The following DLST variants were observed in gnomAD, a reference collection of about 807,000 sequenced individuals.
DLST encodes dihydrolipoamide S-succinyltransferase, also known as dihydrolipoyllysine-residue succinyltransferase component of 2-oxoglutarate dehydrogenase complex, mitochondrial.
DLST carries 17 observed loss-of-function variants against 53.1 expected under a neutral mutation model. The ratio of observed to expected loss-of-function variants is 0.32; its 90% CI spans 0.22 to 0.48. DLST has a LOEUF of 0.48. Ranked by LOEUF, DLST falls within the 20% of genes least tolerant of loss-of-function variation. The pLI, the probability that DLST is intolerant of heterozygous loss-of-function variation, is 0.99. For missense variants in DLST, 512 were observed against 583.9 expected, an observed-to-expected ratio of 0.88 and a Z score of 1.27; for synonymous variants, 206 against 204.8, an observed-to-expected ratio of 1.01 and a Z score of -0.05.
rs557256672 is a variant in DLST at position 74,882,252 on chromosome 14, C to G, written c.63+236C>G. On this transcript the variant is annotated intron_variant, in intron 1 of 14. Coordinates refer to ENST00000334220, the MANE Select transcript of DLST (RefSeq NM_001933.5). The stretch of plus-strand genomic sequence containing the variant: ...CTGCGGGGAACGTTTCCTGCTGTAC[C>G]CCACCCTCCGCGCGGGAGCTGGGGA... Among the ~76,000 whole-genome samples the G allele has an allele frequency of 9.2e-5, 14 of 152,164 alleles. 1 individual carries two copies. Among genetic ancestry groups the G allele is most frequent in the African/African-American group, 2.4e-4 (10 of 41,454 alleles).
chr14:74,897,268 T>G (rs772107461), intron 10 of DLST, among the ~76,000 whole-genome samples: 24 of 152,170 alleles, frequency 1.6e-4, no homozygotes, highest in Non-Finnish European at 2.9e-4. Context: ...AAACAAAAGA[T>G]CTGAAGGGGG....
chr14:74,901,133 T>A lies in DLST; in HGVS notation c.1127T>A (p.Val376Asp). 1 of 1,613,598 alleles carries A rather than the reference T, an allele frequency of 6.2e-7. No individual in the cohort carries two copies. Among genetic ancestry groups the A allele is most frequent in the Non-Finnish European group, 8.5e-7 (1 of 1,179,678 alleles). The change falls in exon 14 of 15, where the codon GTT becomes GAT. Residue 376 changes from valine (V) to aspartate (D), a missense_variant. Val to Asp is a radical substitution (Grantham distance 152, BLOSUM62 -3). This residue lies in a region of DLST where 186 missense variants were observed against 260.4 expected (regional missense o/e 0.71). Transcript: ENST00000334220. ...ACCTTCACCATTAGCAATGGAGGCG[T>A]TTTTGGCTCGCTCTTTGGAACACCC... is the stretch of plus-strand genomic sequence containing the variant. Reference protein sequence around the residue: ...GGTFTISNGGVFGSLFGTPII... With the variant: ...GGTFTISNGGDFGSLFGTPII...
rs373979438 is a variant in DLST, at chr14:74,889,990, C to T, written c.330+38C>T. On this transcript the variant is annotated intron_variant, in intron 6 of 14. Transcript: ENST00000334220. ...TATATTCGTACCAGCTTTTCATGGG[C>T]TTCCCTTAGTTAACCTAATGAAAGA... The T allele has an allele frequency of 1.7e-5, 27 of 1,593,748 alleles. No homozygotes were observed. In the African/African-American group the frequency reaches 3.4e-4, roughly 20 times the overall value.
intron 3 of DLST, among the ~76,000 whole-genome samples, chr14:74,888,859 G>A (rs1356564462): frequency 1.3e-5 from 2 of 152,178 alleles, no homozygotes; most frequent in African/African-American, 4.8e-5. Context: ...TACTTGGGGA[G>A]CTCACCATTT....
At chr14:74,889,773 CATATGTACTTTCT>C (rs1883837669) in intron 5 of DLST, 111 bp from the exon 6 acceptor site, 16 of 871,658 alleles carry the variant, frequency 1.8e-5, no homozygotes, top group Non-Finnish European at 2.8e-5. Flanking sequence ...GTTTTCTTTA[CATATGTACTTTCT>C]GCTGGCCCTG....
intron 7 of DLST, chr14:74,892,127 G>C (rs541275866): frequency 6.5e-6 from 1 of 153,070 alleles, no homozygotes; most frequent in Non-Finnish European, 1.5e-5. Flanking sequence ...TCTGTCGCCA[G>C]GCTGGAGTGC....
At chr14:74,890,930 G>A (rs1055220407) in intron 6 of DLST, 126 bp from the exon 7 acceptor site, 2 of 1,291,102 alleles carry the variant, frequency 1.5e-6, no homozygotes, top group African/African-American at 1.5e-5. Context: ...CGCCTGCCTT[G>A]GCATCCCAAT....
At chr14:74,902,175 A>G (rs1459743398) in intron 14 of DLST, 21 bp from the exon 15 acceptor site, 4 of 1,541,782 alleles carry the variant, frequency 2.6e-6, no homozygotes, top group South Asian at 1.2e-5. Context: ...AGACAAACCT[A>G]TTTACCTTTC....
Position 74,901,157 on chromosome 14 carries a change from C to T in DLST, c.1151C>T (p.Pro384Leu), listed in dbSNP as rs181033060. ...GGVFGSLFGT[P>L]IINPPQSAIL... is the part of the protein sequence containing the mutation. ...GTTTTTGGCTCGCTCTTTGGAACAC[C>T]CATTATCAACCCCCCTCAGTCTGCC... is the stretch of plus-strand genomic sequence containing the variant. The change falls in exon 14 of 15, where the codon CCC (proline) becomes CTC (leucine). Residue 384 changes from proline to leucine, a missense_variant. By Grantham distance (98) the Pro-to-Leu change is moderately conservative. Coordinates refer to ENST00000334220, the MANE Select transcript of DLST (RefSeq NM_001933.5). 6 of 1,614,182 alleles carry T rather than the reference C, an allele frequency of 3.7e-6. No individual in the cohort carries two copies. Among genetic ancestry groups the T allele is most frequent in the African/African-American group, 2.7e-5 (2 of 75,018 alleles).
chr14:74,892,765 C>T, intron 7 of DLST, 69 bp from the exon 8 acceptor site: 8 of 1,499,948 alleles, frequency 5.3e-6, no homozygotes, highest in East Asian at 2.3e-5. Flanking sequence ...GAGTTTTTGC[C>T]ACTAAATTTT....
intron 3 of DLST, 131 bp from the exon 4 acceptor site, chr14:74,888,964 C>A (rs2140190359): frequency 1.1e-6 from 1 of 890,934 alleles, no homozygotes; most frequent in East Asian, 2.5e-5. Flanking sequence ...AAGTTCCTCC[C>A]CAAGTGACAC....
Position 74,891,448 on chromosome 14 carries a change from G to C in DLST, c.442+281G>C. On this transcript the variant is annotated intron_variant, in intron 7 of 14. Coordinates refer to ENST00000334220, the MANE Select transcript of DLST (RefSeq NM_001933.5). ...ACCTTTTCTTATAGATATACAGATT[G>C]AGCATACCTAATCTGAAAATTCAAA... 3 of 1,059,978 alleles carry C rather than the reference G, an allele frequency of 2.8e-6. No individual in the cohort carries two copies. The South Asian group carries it at 1.2e-4, about 43-fold the overall frequency. 65.7% of individuals were successfully genotyped at this position (1,059,978 alleles called of 1,614,324 possible).
rs775261555 is a variant in DLST at position 74,893,447 on chromosome 14, C to G, written c.672+23C>G. On this transcript the variant is annotated intron_variant, in intron 9 of 14. Transcript: ENST00000334220. The stretch of plus-strand genomic sequence containing the variant: ...CGGGTAAGCCTCTGAGGACCACTTT[C>G]AGGAAAGAGGCAGGGGGCAGTGTTG... 7 of 1,613,884 alleles carry G rather than the reference C, an allele frequency of 4.3e-6. No individual in the cohort carries two copies. The South Asian group carries it at 5.5e-5, about 13-fold the overall frequency.
intron 3 of DLST, among the ~76,000 whole-genome samples, chr14:74,886,974 C>G (rs1883726064): frequency 6.6e-6 from 1 of 152,050 alleles, no homozygotes; most frequent in Non-Finnish European, 1.5e-5. Context: ...CTCCTGACAT[C>G]AGGTGATCCG....
Position 74,900,282 on chromosome 14 carries a change from C to G in DLST, c.976-7C>G, listed in dbSNP as rs200530358. On this transcript the variant is annotated splice_region_variant and splice_polypyrimidine_tract_variant and intron_variant, in intron 12 of 14. Transcript: ENST00000334220. Reference sequence around the variant, plus strand: ...TGCAACTGAAAACAGCTTTTCACCCCCTTCAGGGTCTGGTGGTTCCAGTCA... The same window carrying G: ...TGCAACTGAAAACAGCTTTTCACCCGCTTCAGGGTCTGGTGGTTCCAGTCA... The G allele has an allele frequency of 4.4e-4, 711 of 1,613,678 alleles. No individual in the cohort carries two copies. The highest frequency in any genetic ancestry group is 6.0e-4 in the Admixed American group (36 of 60,000).
rs764434166 is a variant in DLST at position 74,894,449 on chromosome 14, T to C, written c.770+40T>C. The C allele has an allele frequency of 3.1e-6, 5 of 1,599,456 alleles. No homozygotes were observed. In the South Asian group the frequency reaches 5.6e-5, roughly 18 times the overall value. ...CCCTCTTATCCCCTAGGCCCCTTTT[T>C]CTTAGAGAACACGAACTTGCCCCAC... is the stretch of plus-strand genomic sequence containing the variant. On this transcript the variant is annotated intron_variant, in intron 10 of 14. Coordinates refer to ENST00000334220, the MANE Select transcript of DLST (RefSeq NM_001933.5).
At chr14:74,882,517 G>A in intron 1 of DLST, 74 bp from the exon 2 acceptor site, 6 of 1,476,312 alleles carry the variant, frequency 4.1e-6, no homozygotes, top group Non-Finnish European at 5.7e-6. Flanking sequence ...ACAGCTTTGA[G>A]CGTGTACTTA....
chr14:74,902,142 C>T (rs974983520), intron 14 of DLST, 54 bp from the exon 15 acceptor site: 34 of 1,472,756 alleles, frequency 2.3e-5, no homozygotes, highest in Non-Finnish European at 2.6e-5. Context: ...TCTCCTTCAG[C>T]GAGGCTGGCT....
At position 74,903,292 on chromosome 14, in the gene DLST, G is replaced by C. The variant is rs566902261; in HGVS notation, c.*962G>C. ...TTAAGTTGCTGTAAGCACCTGGGCT[G>C]AGGAGGCAGTTTTTGTTCCTTCCTG... is the stretch of plus-strand genomic sequence containing the variant. On this transcript the variant is annotated 3_prime_UTR_variant, in exon 15 of 15. Coordinates refer to ENST00000334220, the MANE Select transcript of DLST (RefSeq NM_001933.5). 2.6e-5 allele frequency: 4 copies of C among 152,840 alleles called. No individual in the cohort carries two copies. The East Asian group carries it at 7.7e-4, about 29-fold the overall frequency. The allele number at this position is 152,840 out of a possible 1,614,324, so 9.5% of individuals were successfully genotyped here.
Sources: gnomAD v4.1 joint callset for allele counts (sites outside exome capture counted in the v4.1 genomes callset) on GRCh38, gnomAD v4.1.1 for gene constraint, gnomAD v4.1.1 regional missense constraint, MANE v1.5 for transcripts, NCBI Gene and HGNC (gene_info 2026-07-23, HGNC 2026-07-21) for gene names.